KDM2B: variants seen among roughly 807,000 people sequenced by gnomAD.
KDM2B encodes lysine demethylase 2B.
A neutral mutation model predicts 150.0 loss-of-function variants in KDM2B; 26 were observed. That is an observed-to-expected ratio of 0.17 (90% CI 0.13 to 0.24). KDM2B has a LOEUF of 0.24. Among genes scored for constraint, KDM2B ranks in the 10% least tolerant of loss-of-function variants. The probability of loss-of-function intolerance (pLI) is 1.00; values close to 1 mark genes in which losing one functional copy is unlikely to be tolerated. For missense variants in KDM2B, 1,265 were observed against 1,816.9 expected (o/e 0.70, Z 5.52); for synonymous variants, 734 against 729.5 (o/e 1.01, Z -0.10).
rs1472621143 is a variant in KDM2B at position 121,520,884 on chromosome 12, G to C, written c.1047+101C>G. ...TTGAGAGAGGAATCGGGAGGGAGAG[G>C]GGAACTGTGGAGGACTTCAGTATGA... On this transcript the variant is annotated intron_variant, in intron 9 of 22. Coordinates refer to ENST00000377071, the MANE Select transcript of KDM2B (RefSeq NM_032590.5). The surrounding 1 kb of genome is among the most constrained non-coding windows in gnomAD (Gnocchi z 4.5). 2.5e-6 allele frequency: 2 copies of C among 802,144 alleles called. No individual in the cohort carries two copies. The highest frequency in any genetic ancestry group is 4.1e-6 in the Non-Finnish European group (2 of 483,786). 49.7% of individuals were successfully genotyped at this position (802,144 alleles called of 1,614,324 possible).
intron 12 of KDM2B, among the ~76,000 whole-genome samples, chr12:121,474,410 G>T (rs1881117700): frequency 6.6e-6 from 1 of 152,132 alleles, no homozygotes; most frequent in Non-Finnish European, 1.5e-5. Flanking sequence ...CAGCTACTCA[G>T]GAGGCTGAGG....
At chr12:121,454,954 A>C (rs1157366843) in intron 12 of KDM2B, among the ~76,000 whole-genome samples, 22 of 152,306 alleles carry the variant, frequency 1.4e-4, no homozygotes, top group African/African-American at 5.3e-4. Context: ...CCAACTGCAT[A>C]GGAAGAAAAA....
intron 22 of KDM2B, among the ~76,000 whole-genome samples, chr12:121,432,289 TGAAG>T (rs1268789922): frequency 1.3e-5 from 2 of 152,230 alleles, no homozygotes; most frequent in Non-Finnish European, 2.9e-5. Context: ...AATCCAATGA[TGAAG>T]GAAGTTGTAG....
rs529118545 is a variant in KDM2B, at chr12:121,545,247, C to T, written c.683+3630G>A. Reference sequence around the variant, plus strand: ...TGGACTATTTCCAAGATGACAATTTCCTTCCTAACGAGGTTCGAATCCTCT... The same window carrying T: ...TGGACTATTTCCAAGATGACAATTTTCTTCCTAACGAGGTTCGAATCCTCT... On this transcript the variant is annotated intron_variant, in intron 6 of 22. Transcript: ENST00000377071. 5.3e-4 allele frequency among the ~76,000 whole-genome samples: 81 copies of T among 152,284 alleles called. 1 individual carries two copies. The South Asian group carries it at 0.016, about 30-fold the overall frequency.
At position 121,442,726 on chromosome 12, in the gene KDM2B, C is replaced by T; in HGVS notation, c.2715G>A (p.Arg905=). ...DELPEAPPKT[R]ESDHSRSSSP... Reference sequence around the variant, plus strand: ...AGCTGGAGCGGGAGTGGTCGCTCTCCCTGGTCTTGGGGGGCGCCTCGGGCA... The same window carrying T: ...AGCTGGAGCGGGAGTGGTCGCTCTCTCTGGTCTTGGGGGGCGCCTCGGGCA... Residue 905 remains arginine (R), a synonymous_variant, in exon 19 of 23, where the codon AGG becomes AGA. Transcript: ENST00000377071. The surrounding 1 kb of genome is among the most constrained non-coding windows in gnomAD (Gnocchi z 7.7). 1 of 1,568,258 alleles carries T rather than the reference C, an allele frequency of 6.4e-7. No individual in the cohort carries two copies. Among genetic ancestry groups the T allele is most frequent in the Admixed American group, 1.9e-5 (1 of 51,432 alleles).
intron 12 of KDM2B, among the ~76,000 whole-genome samples, chr12:121,472,764 A>G (rs1405539115): frequency 1.3e-5 from 2 of 152,154 alleles, no homozygotes; most frequent in African/African-American, 2.4e-5. Context: ...TCCCTTCTCT[A>G]TTCATTTCCC....
In KDM2B at chr12:121,448,213, G is replaced by A. The variant is rs113266864; in HGVS notation, c.1960-2795C>T. On this transcript the variant is annotated intron_variant, in intron 13 of 22. Coordinates refer to ENST00000377071, the MANE Select transcript of KDM2B (RefSeq NM_032590.5). ...TGAATGCCTGTAGTCCCAGCTGCTC[G>A]GGAGACTGAGGTGGGAGGACTGCTT... is the stretch of plus-strand genomic sequence containing the variant. Among the ~76,000 whole-genome samples, 738 of 150,350 alleles carry A rather than the reference G, an allele frequency of 4.9e-3. 4 individuals are homozygous for A. Among genetic ancestry groups the A allele is most frequent in the African/African-American group, 0.016 (663 of 40,864 alleles).
chr12:121,510,688 G>A (rs1885510090), intron 10 of KDM2B, among the ~76,000 whole-genome samples: 1 of 151,974 alleles, frequency 6.6e-6, no homozygotes, highest in African/African-American at 2.4e-5. Flanking sequence ...AGCTACTTGG[G>A]AGGCTGAGAT....
intron 12 of KDM2B, among the ~76,000 whole-genome samples, chr12:121,492,646 G>A (rs1239813344): frequency 1.3e-5 from 2 of 151,170 alleles, no homozygotes; most frequent in East Asian, 2.0e-4. Flanking sequence ...TGCCCAACAT[G>A]GCAAAACTCT....
chr12:121,409,692 A>T, the KDM2B span: 1 of 152,228 alleles, frequency 6.6e-6, no homozygotes, highest in African/African-American at 2.4e-5. Context: ...TCCAACATGC[A>T]GCCAAGGCTG....
At chr12:121,419,192 C>T in the KDM2B span, among the ~76,000 whole-genome samples, 28 of 152,138 alleles carry the variant, frequency 1.8e-4, 1 homozygote, top group African/African-American at 6.5e-4. Flanking sequence ...TGTTTAGATA[C>T]ACAAATACTT....
At chr12:121,510,096 C>G (rs1331332480) in intron 10 of KDM2B, 57 bp from the exon 11 acceptor site, 6 of 1,427,976 alleles carry the variant, frequency 4.2e-6, no homozygotes, top group Non-Finnish European at 5.6e-6. Flanking sequence ...CTGCCAAGGT[C>G]TTTGGAACCT....
At chr12:121,462,820 AG>A (rs1327879787) in intron 12 of KDM2B, among the ~76,000 whole-genome samples, 1 of 152,096 alleles carries the variant, frequency 6.6e-6, no homozygotes, top group East Asian at 1.9e-4. Flanking sequence ...AAGAAGCTAT[AG>A]GCCAGGTGTG....
intron 4 of KDM2B, among the ~76,000 whole-genome samples, chr12:121,566,415 A>T (rs1449882103): frequency 1.3e-5 from 2 of 152,166 alleles, no homozygotes; most frequent in Non-Finnish European, 2.9e-5. Context: ...TGAGGCCAGG[A>T]GTTCGAGACC....
intron 22 of KDM2B, among the ~76,000 whole-genome samples, chr12:121,438,653 G>A (rs1391562468): frequency 6.6e-6 from 1 of 152,168 alleles, no homozygotes; most frequent in East Asian, 1.9e-4. Flanking sequence ...GGTCCCGAAT[G>A]ATCTCATCCC....
intron 4 of KDM2B, among the ~76,000 whole-genome samples, chr12:121,559,064 A>C (rs931772824): frequency 4.6e-5 from 7 of 152,188 alleles, no homozygotes; most frequent in Non-Finnish European, 1.0e-4. Context: ...CCCGCTGACT[A>C]CACCTCAGCC....
intron 8 of KDM2B, among the ~76,000 whole-genome samples, chr12:121,523,390 G>A (rs994647428): frequency 7.9e-5 from 12 of 152,236 alleles, no homozygotes; most frequent in Middle Eastern, 3.2e-3. Flanking sequence ...GAAGGGTGGC[G>A]GTGCCCCAAG....
the KDM2B span, among the ~76,000 whole-genome samples, chr12:121,408,661 G>A: frequency 6.6e-6 from 1 of 152,190 alleles, no homozygotes; most frequent in East Asian, 1.9e-4. Context: ...GAGCCAGGTA[G>A]ATGGAGTCCA....
intron 2 of KDM2B, among the ~76,000 whole-genome samples, chr12:121,576,436 G>C (rs1555316874): frequency 6.6e-6 from 1 of 152,114 alleles, no homozygotes; most frequent in Non-Finnish European, 1.5e-5. Context: ...AAATAACTAG[G>C]GAACTGGGCA....
Sources: gnomAD v4.1 joint callset for allele counts (sites outside exome capture counted in the v4.1 genomes callset) on GRCh38, gnomAD v4.1.1 for gene constraint, Gnocchi (gnomAD v3.1) non-coding constraint, MANE v1.5 for transcripts, NCBI Gene and HGNC (gene_info 2026-07-23, HGNC 2026-07-21) for gene names.